PAPPA: variants seen among roughly 807,000 people sequenced by gnomAD.
PAPPA encodes the protein pappalysin 1, also known as pappalysin-1.
In PAPPA, 60 loss-of-function variants were observed where a neutral mutation model predicts 164.0. The observed-to-expected ratio is 0.37, with a 90% confidence interval of 0.30 to 0.45. PAPPA has a LOEUF of 0.45. PAPPA is among the 20% of genes least tolerant of loss of function. The probability of loss-of-function intolerance (pLI) is 1.00; values close to 1 mark genes in which losing one functional copy is unlikely to be tolerated. For missense variants in PAPPA, 1,782 were observed against 2,087.3 expected, an observed-to-expected ratio of 0.85 and a Z score of 2.85; for synonymous variants, 875 against 814.1, an observed-to-expected ratio of 1.07 and a Z score of -1.27.
At position 116,272,760 on chromosome 9, in the gene PAPPA, T is replaced by G. The variant is rs1197628855; in HGVS notation, c.2953+1344T>G. On this transcript the variant is annotated intron_variant, in intron 9 of 21. Coordinates refer to ENST00000328252, the MANE Select transcript of PAPPA (RefSeq NM_002581.5). Reference sequence around the variant, plus strand: ...TATGGTCCGGTCCCTAGTAAAAGCTTGATATTAGCCTAGTGATGTGGTGGA... The same window carrying G: ...TATGGTCCGGTCCCTAGTAAAAGCTGGATATTAGCCTAGTGATGTGGTGGA... Among the ~76,000 whole-genome samples, 3 of 152,188 alleles carry G rather than the reference T, an allele frequency of 2.0e-5. No homozygotes were observed. The East Asian group carries it at 5.8e-4, about 29-fold the overall frequency.
chr9:116,238,248 C>A (rs1397969344), intron 7 of PAPPA, among the ~76,000 whole-genome samples: 1 of 152,142 alleles, frequency 6.6e-6, no homozygotes, highest in Non-Finnish European at 1.5e-5. Flanking sequence ...TGGCCCCAGA[C>A]CAATGGCATC....
chr9:116,369,472 T>C (rs933812358), intron 19 of PAPPA, among the ~76,000 whole-genome samples: 3 of 152,126 alleles, frequency 2.0e-5, no homozygotes, highest in Admixed American at 1.3e-4. Flanking sequence ...GATTGGCAGC[T>C]CTTCCAATAC....
chr9:116,160,591 A>T (rs1843654647), intron 1 of PAPPA, among the ~76,000 whole-genome samples: 1 of 152,196 alleles, frequency 6.6e-6, no homozygotes. Context: ...AGAAGAGAAA[A>T]TCTCCAGGTA....
At chr9:116,381,146 CTT>C (rs909971934) in intron 20 of PAPPA, among the ~76,000 whole-genome samples, 1 of 152,158 alleles carries the variant, frequency 6.6e-6, no homozygotes, top group African/African-American at 2.4e-5. Context: ...AATCTGGCCT[CTT>C]TATTTCATTA....
intron 3 of PAPPA, among the ~76,000 whole-genome samples, chr9:116,208,938 C>T (rs913671021): frequency 1.3e-5 from 2 of 152,030 alleles, no homozygotes; most frequent in Admixed American, 6.6e-5. Flanking sequence ...CCCCAGGAGA[C>T]ATTTGGCAAT....
At chr9:116,172,701 A>G (rs1451104346) in intron 1 of PAPPA, among the ~76,000 whole-genome samples, 1 of 152,108 alleles carries the variant, frequency 6.6e-6, no homozygotes, top group African/African-American at 2.4e-5. Flanking sequence ...TCTCTGTTTC[A>G]TAGTCTTTCA....
intron 6 of PAPPA, among the ~76,000 whole-genome samples, chr9:116,231,693 GGATGGATGGA>G (rs1564192634): frequency 1.3e-5 from 2 of 150,626 alleles, no homozygotes; most frequent in African/African-American, 2.4e-5. Flanking sequence ...ATGGATGGAT[GGATGGATGGA>G]TGGATGGATG....
intron 18 of PAPPA, among the ~76,000 whole-genome samples, chr9:116,366,909 A>C (rs1002900841): frequency 6.6e-6 from 1 of 152,156 alleles, no homozygotes; most frequent in Non-Finnish European, 1.5e-5. Context: ...AGGGTCTTTA[A>C]GGCACAGGGA....
intron 21 of PAPPA, among the ~76,000 whole-genome samples, chr9:116,396,236 A>T (rs1305580075): frequency 6.6e-6 from 1 of 152,214 alleles, no homozygotes; most frequent in Non-Finnish European, 1.5e-5. Flanking sequence ...GAGTTGTCAA[A>T]AGTGTTTTCT....
At chr9:116,358,203 C>T (rs1846378159) in intron 17 of PAPPA, among the ~76,000 whole-genome samples, 1 of 152,096 alleles carries the variant, frequency 6.6e-6, no homozygotes, top group Non-Finnish European at 1.5e-5. Flanking sequence ...GCCCTAAACC[C>T]CAGAAAGGGA....
chr9:116,326,677 C>T (rs1296222677), intron 10 of PAPPA, among the ~76,000 whole-genome samples: 2 of 152,238 alleles, frequency 1.3e-5, no homozygotes, highest in African/African-American at 4.8e-5. Context: ...ACTGCAGAGT[C>T]CTAGAACTTA....
At chr9:116,353,479 G>T in intron 16 of PAPPA, 143 bp from the exon 17 acceptor site, 1 of 681,332 alleles carries the variant, frequency 1.5e-6, no homozygotes, top group East Asian at 2.6e-5. Flanking sequence ...ATTCCTGCAC[G>T]GGTCCCACCA....
At chr9:116,287,761 T>C (rs760917141) in intron 9 of PAPPA, among the ~76,000 whole-genome samples, 21 of 152,204 alleles carry the variant, frequency 1.4e-4, no homozygotes, top group Non-Finnish European at 2.6e-4. Flanking sequence ...TTGGTGCCTA[T>C]CCAGGGTCCT....
chr9:116,164,725 A>G (rs1587935111), intron 1 of PAPPA, among the ~76,000 whole-genome samples: 1 of 152,150 alleles, frequency 6.6e-6, no homozygotes, highest in Non-Finnish European at 1.5e-5. Flanking sequence ...GGCCAAATGC[A>G]TTTATATGGA....
chr9:116,197,718 T>C (rs1564180631), intron 2 of PAPPA, among the ~76,000 whole-genome samples: 1 of 152,248 alleles, frequency 6.6e-6, no homozygotes, highest in Admixed American at 6.5e-5. Flanking sequence ...TTATTCAAGG[T>C]CATCCAGAGG....
chr9:116,216,054 A>G (rs903479238), intron 4 of PAPPA, among the ~76,000 whole-genome samples: 1 of 152,188 alleles, frequency 6.6e-6, no homozygotes, highest in Non-Finnish European at 1.5e-5. Context: ...ACATTTTGAC[A>G]TATTCCAGAT....
intron 10 of PAPPA, among the ~76,000 whole-genome samples, chr9:116,322,521 G>A (rs184253232): frequency 1.3e-5 from 2 of 152,210 alleles, no homozygotes; most frequent in East Asian, 3.9e-4. Flanking sequence ...GTTTATGGAG[G>A]AGGTTTTATT....
At chr9:116,387,777 A>G (rs1846835116) in intron 21 of PAPPA, among the ~76,000 whole-genome samples, 1 of 152,236 alleles carries the variant, frequency 6.6e-6, no homozygotes, top group African/African-American at 2.4e-5. Context: ...GATGCAAACC[A>G]AGAGAATTCA....
chr9:116,289,632 C>T (rs1456418760), intron 9 of PAPPA, among the ~76,000 whole-genome samples: 2 of 152,016 alleles, frequency 1.3e-5, no homozygotes, highest in Non-Finnish European at 2.9e-5. Flanking sequence ...CCACTTTATA[C>T]AGAGAAGCAC....
Sources: gnomAD v4.1 joint callset for allele counts (sites outside exome capture counted in the v4.1 genomes callset) on GRCh38, gnomAD v4.1.1 for gene constraint, MANE v1.5 for transcripts, NCBI Gene and HGNC (gene_info 2026-07-23, HGNC 2026-07-21) for gene names.